FLT4: variants seen among roughly 807,000 people sequenced by gnomAD.
FLT4 encodes fms related receptor tyrosine kinase 4, also known as vascular endothelial growth factor receptor 3.
FLT4 carries 30 observed loss-of-function variants against 163.2 expected under a neutral mutation model. That is an observed-to-expected ratio of 0.18 (90% CI 0.14 to 0.25). FLT4 has a LOEUF of 0.25. FLT4 is among the 10% of genes least tolerant of loss of function. The pLI is 1.00. For missense variants in FLT4, 1,510 were observed against 1,863.8 expected (o/e 0.81, Z 3.50); for synonymous variants, 884 against 789.5 (o/e 1.12, Z -2.01).
Position 180,644,892 on chromosome 5 carries a change from C to T in FLT4, c.58+4596G>A, listed in dbSNP as rs535772746. Among the ~76,000 whole-genome samples, 4 of 152,364 alleles carry T rather than the reference C, an allele frequency of 2.6e-5. 1 individual carries two copies. Among genetic ancestry groups the T allele is most frequent in the African/African-American group, 7.2e-5 (3 of 41,582 alleles). ...CTGAAAGTCTGAGGCACACTGTGAG[C>T]GGGAACGAAGCCATCACCTGCCCCG... On this transcript the variant is annotated intron_variant, in intron 1 of 29. Transcript: ENST00000261937.
rs1277120559 is a variant in FLT4, at chr5:180,618,928, T to C, written c.2851-8A>G. ...CTGCTCGGGAGACTTCTCCTGCGGATGCACGAAGCTGGCTCGAGGGCGCCC... is the reference window on the plus strand; with the variant it reads ...CTGCTCGGGAGACTTCTCCTGCGGACGCACGAAGCTGGCTCGAGGGCGCCC... On this transcript the variant is annotated splice_polypyrimidine_tract_variant and splice_region_variant and intron_variant, in intron 20 of 29. Transcript: ENST00000261937. The C allele has an allele frequency of 1.1e-5, 18 of 1,581,062 alleles. No individual in the cohort carries two copies. Among genetic ancestry groups the C allele is most frequent in the Non-Finnish European group, 1.5e-5 (18 of 1,164,474 alleles).
chr5:180,641,436 G>A (rs1289990610), intron 1 of FLT4, among the ~76,000 whole-genome samples: 1 of 152,214 alleles, frequency 6.6e-6, no homozygotes, highest in Admixed American at 6.5e-5. Context: ...TGGGAAGACG[G>A]GGACTGTGTG....
intron 29 of FLT4, among the ~76,000 whole-genome samples, chr5:180,608,726 T>C (rs1761944537): frequency 6.6e-6 from 1 of 152,182 alleles, no homozygotes; most frequent in Non-Finnish European, 1.5e-5. Flanking sequence ...ATCTGAGCTC[T>C]GTCAGATGAC....
intron 1 of FLT4, among the ~76,000 whole-genome samples, chr5:180,643,756 T>C (rs1376684577): frequency 1.3e-5 from 2 of 151,048 alleles, no homozygotes; most frequent in African/African-American, 2.4e-5. Context: ...ACACCGAGGC[T>C]CCCCACCCAG....
At chr5:180,619,411 C>G (rs569295679) in intron 18 of FLT4, 45 bp from the exon 19 acceptor site, 19 of 1,499,232 alleles carry the variant, frequency 1.3e-5, no homozygotes, top group Admixed American at 1.7e-5. Context: ...CCTGGCAGGT[C>G]CCCGTTCCCC....
At position 180,601,591 on chromosome 5, in the gene FLT4, AG is replaced by A; in HGVS notation, c.*1600del. The A allele has an allele frequency of 4.3e-6, 1 of 233,268 alleles. No individual in the cohort carries two copies. 14.4% of individuals were successfully genotyped at this position (233,268 alleles called of 1,614,324 possible). Reference sequence around the variant, plus strand: ...ATCTTTTCTCAGAACATGGTCTAGAAGGGCATAGTAGTTTTTTTCCCGGTAC... The same window carrying A: ...ATCTTTTCTCAGAACATGGTCTAGAAGGCATAGTAGTTTTTTTCCCGGTAC... On this transcript the variant is annotated 3_prime_UTR_variant, in exon 30 of 30. Coordinates refer to ENST00000261937, the MANE Select transcript of FLT4 (RefSeq NM_182925.5).
At chr5:180,613,541 G>A (rs919147591) in intron 24 of FLT4, 6 of 174,192 alleles carry the variant, frequency 3.4e-5, no homozygotes, top group East Asian at 2.8e-4. Flanking sequence ...GCTGCTCCCC[G>A]TCCTGGACTG....
intron 12 of FLT4, among the ~76,000 whole-genome samples, chr5:180,622,529 G>A (rs74462160): frequency 0.018 from 2,666 of 152,226 alleles, 40 homozygotes; most frequent in Non-Finnish European, 0.024. Context: ...CCAGGGTTGG[G>A]GACAGAGGAT....
chr5:180,629,597 G>A, intron 6 of FLT4, 99 bp downstream of exon 6: 1 of 1,491,552 alleles, frequency 6.7e-7, no homozygotes. Flanking sequence ...CCTGGGGCAG[G>A]CCTGGGCCCA....
At position 180,623,959 on chromosome 5, in the gene FLT4, G is replaced by T; in HGVS notation, c.1524C>A (p.Thr508=). ...VNPIESLDTW[T]EFVEGKNKTV... ...CCTTATTCTTTCCCTCCACAAACTC[G>T]GTCCAGGTGTCCAGGCTCTCGATGG... The change falls in exon 11 of 30, where the codon ACC becomes ACA. Residue 508 remains threonine (T), a synonymous_variant. Coordinates refer to ENST00000261937, the MANE Select transcript of FLT4 (RefSeq NM_182925.5). The surrounding 1 kb of genome is among the most constrained non-coding windows in gnomAD (Gnocchi z 5.8). The T allele has an allele frequency of 6.2e-7, 1 of 1,613,602 alleles. No individual in the cohort carries two copies. Among genetic ancestry groups the T allele is most frequent in the Non-Finnish European group, 8.5e-7 (1 of 1,180,002 alleles).
Position 180,613,019 on chromosome 5 carries a change from A to G in FLT4, c.3423T>C (p.Thr1141=), listed in dbSNP as rs778158838. The G allele has an allele frequency of 6.2e-7, 1 of 1,611,574 alleles. No homozygotes were observed. The highest frequency in any genetic ancestry group is 8.5e-7 in the Non-Finnish European group (1 of 1,178,378). Residue 1141 remains threonine, a synonymous_variant, in exon 25 of 30, where the codon ACT becomes ACC. Coordinates refer to ENST00000261937, the MANE Select transcript of FLT4 (RefSeq NM_182925.5). Reference sequence around the variant, plus strand: ...GCCATGGGGAGGCTCACATGGCGGGAGTGGCCAGCTCCGGGGCCCTCATCC... The same window carrying G: ...GCCATGGGGAGGCTCACATGGCGGGGGTGGCCAGCTCCGGGGCCCTCATCC... ...GTRMRAPELA[T]PAIRRIMLNC... is the part of the protein sequence containing the mutation.
intron 28 of FLT4, chr5:180,609,696 G>C (rs1204618910): frequency 1.7e-6 from 1 of 587,442 alleles, no homozygotes; most frequent in Admixed American, 2.7e-5. Flanking sequence ...GGCCTCGTGT[G>C]GGGGTGACGA....
In FLT4 at chr5:180,629,935, C is replaced by T. The variant is rs1380718787; in HGVS notation, c.676+8G>A. 1 of 1,612,682 alleles carries T rather than the reference C, an allele frequency of 6.2e-7. No homozygotes were observed. Among genetic ancestry groups the T allele is most frequent in the Non-Finnish European group, 8.5e-7 (1 of 1,179,920 alleles). ...CCCGTTACTGGGAACGGGGCACAGC[C>T]CTGTTACCTGTGATGTGCACCAGGA... On this transcript the variant is annotated splice_region_variant and intron_variant, in intron 5 of 29. Coordinates refer to ENST00000261937, the MANE Select transcript of FLT4 (RefSeq NM_182925.5).
chr5:180,627,720 C>T (rs933700307), intron 8 of FLT4, among the ~76,000 whole-genome samples: 77 of 152,290 alleles, frequency 5.1e-4, no homozygotes, highest in Non-Finnish European at 1.1e-3. Flanking sequence ...ACTGGGTAGA[C>T]CCTGGACGCA....
intron 29 of FLT4, 43 bp from the exon 30 acceptor site, chr5:180,603,433 G>A: frequency 6.3e-7 from 1 of 1,577,212 alleles, no homozygotes; most frequent in Non-Finnish European, 8.7e-7. Flanking sequence ...GAAGAAGGCT[G>A]GGTGGCGGGT....
At chr5:180,641,990 G>C (rs192303469) in intron 1 of FLT4, among the ~76,000 whole-genome samples, 6,567 of 152,118 alleles carry the variant, frequency 0.043, 210 homozygotes, top group South Asian at 0.12. Context: ...GGGCGGATCA[G>C]GAGGTCAAGA....
Position 180,623,276 on chromosome 5 carries a change from C to T in FLT4, c.1549-437G>A, listed in dbSNP as rs1158159455. ...CTTGCTGAGATCCTCGTGAGATGGCCTCCTCAGCCCAGAACTGTCCTCAGC... is the reference window on the plus strand; with the variant it reads ...CTTGCTGAGATCCTCGTGAGATGGCTTCCTCAGCCCAGAACTGTCCTCAGC... On this transcript the variant is annotated intron_variant, in intron 11 of 29. Coordinates refer to ENST00000261937, the MANE Select transcript of FLT4 (RefSeq NM_182925.5). The surrounding 1 kb of genome is among the most constrained non-coding windows in gnomAD (Gnocchi z 5.8). Among the ~76,000 whole-genome samples the T allele has an allele frequency of 6.6e-6, 1 of 152,152 alleles. No homozygotes were observed. Among genetic ancestry groups the T allele is most frequent in the Non-Finnish European group, 1.5e-5 (1 of 68,032 alleles).
chr5:180,617,925 AC>A (rs1762792583), intron 21 of FLT4, among the ~76,000 whole-genome samples: 2 of 44,494 alleles, frequency 4.5e-5, no homozygotes, highest in African/African-American at 9.9e-5. Flanking sequence ...CCCACGTCCT[AC>A]TCCCAGAGCA....
chr5:180,611,206 G>A (rs1322415721), intron 27 of FLT4, 125 bp downstream of exon 27: 2 of 1,180,450 alleles, frequency 1.7e-6, no homozygotes, highest in East Asian at 2.3e-5. Flanking sequence ...TCTGTGCTCT[G>A]AGTTTGTGCA....
Sources: allele counts gnomAD v4.1 joint callset (sites outside exome capture counted in the v4.1 genomes callset), GRCh38; gene constraint gnomAD v4.1.1; non-coding constraint Gnocchi (gnomAD v3.1); transcripts MANE v1.5; gene names NCBI Gene and HGNC (gene_info 2026-07-23, HGNC 2026-07-21).